OXSR1: variants seen among roughly 807,000 people sequenced by gnomAD.
OXSR1 encodes oxidative stress responsive kinase 1.
Under a neutral mutation model 79.8 loss-of-function variants are expected in OXSR1, and 24 were observed. The ratio of observed to expected loss-of-function variants is 0.30; its 90% CI spans 0.22 to 0.42. The LOEUF (loss-of-function observed/expected upper bound fraction) is 0.42. Among genes scored for constraint, OXSR1 ranks in the 10% least tolerant of loss-of-function variants. OXSR1 has a pLI of 1.00. For missense variants in OXSR1, 430 were observed against 618.4 expected, an observed-to-expected ratio of 0.70 and a Z score of 3.23; for synonymous variants, 226 against 209.2, an observed-to-expected ratio of 1.08 and a Z score of -0.69.
intron 4 of OXSR1, among the ~76,000 whole-genome samples, chr3:38,210,237 T>C (rs576515641): frequency 6.6e-6 from 1 of 152,200 alleles, no homozygotes; most frequent in East Asian, 1.9e-4. Flanking sequence ...GAGCCTGTGC[T>C]CCTGGGCTAT....
intron 4 of OXSR1, among the ~76,000 whole-genome samples, chr3:38,208,422 A>G (rs1418702884): frequency 6.6e-6 from 1 of 152,200 alleles, no homozygotes; most frequent in African/African-American, 2.4e-5. Context: ...AAGATTCCTT[A>G]GAGTTTATAC....
chr3:38,221,761 C>T, intron 6 of OXSR1, 74 bp downstream of exon 6: 1 of 841,700 alleles, frequency 1.2e-6, no homozygotes. Context: ...ATAGTGCTTG[C>T]TTTTCTTTGG....
chr3:38,204,388 T>G (rs1559511050), intron 4 of OXSR1, among the ~76,000 whole-genome samples: 1 of 151,978 alleles, frequency 6.6e-6, no homozygotes, highest in Admixed American at 6.5e-5. Flanking sequence ...TTTTCCCTCT[T>G]CTCAAACAGA....
rs984144551 is a variant in OXSR1, at chr3:38,249,597, A to G, written c.1323-369A>G. 3.9e-5 allele frequency among the ~76,000 whole-genome samples: 6 copies of G among 152,152 alleles called. No homozygotes were observed. The East Asian group carries it at 1.2e-3, about 29-fold the overall frequency. On this transcript the variant is annotated intron_variant, in intron 14 of 17. Coordinates refer to ENST00000311806, the MANE Select transcript of OXSR1 (RefSeq NM_005109.3). ...TTGTGGGCATGTAGGAGTGGGGATA[A>G]GGATGAAAAAGGCATCCTGTATCAT...
rs564934042 is a variant in OXSR1 at position 38,230,481 on chromosome 3, A to G, written c.951+51A>G. 1.7e-5 allele frequency: 21 copies of G among 1,256,826 alleles called. No homozygotes were observed. In the South Asian group the frequency reaches 2.4e-4, roughly 15 times the overall value. 77.9% of individuals were successfully genotyped at this position (1,256,826 alleles called of 1,614,324 possible). ...CCTGAAGAATTTACTTTATTTTTGC[A>G]TTTTGAAAACATGTTAAGTAATACA... is the stretch of plus-strand genomic sequence containing the variant. On this transcript the variant is annotated intron_variant, in intron 10 of 17. Transcript: ENST00000311806.
chr3:38,182,880 C>T, intron 1 of OXSR1, 123 bp from the exon 2 acceptor site: 1 of 495,834 alleles, frequency 2.0e-6, no homozygotes, highest in African/African-American at 2.0e-5. Flanking sequence ...GCATTTTTCT[C>T]TATCTGTTAT....
In OXSR1 at chr3:38,251,345, G is replaced by C; in HGVS notation, c.1376-58G>C. 2.2e-6 allele frequency: 3 copies of C among 1,378,628 alleles called. No individual in the cohort carries two copies. The South Asian group carries it at 3.5e-5, about 16-fold the overall frequency. The allele number at this position is 1,378,628 out of a possible 1,614,324, so 85.4% of individuals were successfully genotyped here. A position where few individuals can be genotyped will look rare whatever the true frequency, so the allele number is the denominator to read the frequency against. The stretch of plus-strand genomic sequence containing the variant: ...ACACTGACACCCACATGAGCTGTGA[G>C]AGTTAACAGTGGCAAGCACGCACAA... On this transcript the variant is annotated intron_variant, in intron 15 of 17. Transcript: ENST00000311806.
At chr3:38,213,735 T>G (rs752359716) in intron 4 of OXSR1, among the ~76,000 whole-genome samples, 6 of 152,336 alleles carry the variant, frequency 3.9e-5, no homozygotes, top group Non-Finnish European at 5.9e-5. Flanking sequence ...CTATTAAGTC[T>G]TCTTCTTTTT....
chr3:38,252,202 ATCTG>A, intron 16 of OXSR1, 122 bp from the exon 17 acceptor site: 1 of 717,146 alleles, frequency 1.4e-6, no homozygotes, highest in Admixed American at 2.0e-5. Context: ...TGATTATTTG[ATCTG>A]TCTGCTTCCA....
chr3:38,221,858 T>C (rs1404216505), intron 6 of OXSR1, among the ~76,000 whole-genome samples, 171 bp downstream of exon 6: 44 of 152,214 alleles, frequency 2.9e-4, no homozygotes, highest in Non-Finnish European at 6.5e-4. Flanking sequence ...AAAAACTCTC[T>C]AGAACTTTGC....
chr3:38,210,615 C>A (rs961108848), intron 4 of OXSR1, among the ~76,000 whole-genome samples: 1 of 152,052 alleles, frequency 6.6e-6, no homozygotes, highest in African/African-American at 2.4e-5. Flanking sequence ...CCACACTGAG[C>A]CTCCAGACAT....
chr3:38,172,055 T>C (rs555485063), intron 1 of OXSR1, among the ~76,000 whole-genome samples: 1 of 152,298 alleles, frequency 6.6e-6, no homozygotes, highest in Admixed American at 6.5e-5. Context: ...TTGTGGGAAG[T>C]GTTTAGCTTG....
intron 5 of OXSR1, among the ~76,000 whole-genome samples, chr3:38,218,053 T>C (rs1702519233): frequency 6.6e-6 from 1 of 152,254 alleles, no homozygotes; most frequent in African/African-American, 2.4e-5. Context: ...TTGGTCATTA[T>C]GAATAATGCT....
chr3:38,204,165 TG>T (rs1702223981), intron 4 of OXSR1, among the ~76,000 whole-genome samples: 1 of 152,124 alleles, frequency 6.6e-6, no homozygotes, highest in Non-Finnish European at 1.5e-5. Flanking sequence ...AGTGTTCAGC[TG>T]GGGCCCAAGG....
chr3:38,223,785 A>G lies in OXSR1; in HGVS notation c.601-27A>G, dbSNP rs1393538433. On this transcript the variant is annotated intron_variant, in intron 6 of 17. Coordinates refer to ENST00000311806, the MANE Select transcript of OXSR1 (RefSeq NM_005109.3). ...TTTAAAAGTCCTTTTATGCTGGTAA[A>G]AATAATCATGCAAATCTGTTTTGCA... The G allele has an allele frequency of 2.6e-6, 4 of 1,538,724 alleles. No homozygotes were observed. The South Asian group carries it at 4.5e-5, about 17-fold the overall frequency.
At chr3:38,210,107 C>A (rs1702355822) in intron 4 of OXSR1, among the ~76,000 whole-genome samples, 1 of 151,800 alleles carries the variant, frequency 6.6e-6, no homozygotes, top group Admixed American at 6.6e-5. Context: ...TGCTTGATTG[C>A]ATGGTTTCTG....
At chr3:38,176,080 C>G (rs556705165) in intron 1 of OXSR1, among the ~76,000 whole-genome samples, 1 of 152,060 alleles carries the variant, frequency 6.6e-6, no homozygotes, top group Non-Finnish European at 1.5e-5. Context: ...CAGACTAAAC[C>G]ATTCCTAACA....
At chr3:38,178,166 G>A (rs1033074224) in intron 1 of OXSR1, among the ~76,000 whole-genome samples, 7 of 152,130 alleles carry the variant, frequency 4.6e-5, no homozygotes, top group Non-Finnish European at 8.8e-5. Flanking sequence ...GGCCAGGCTG[G>A]TCTCGAACTC....
At position 38,252,984 on chromosome 3, in the gene OXSR1, C is replaced by A; in HGVS notation, c.*93C>A. On this transcript the variant is annotated 3_prime_UTR_variant, in exon 18 of 18. Coordinates refer to ENST00000311806, the MANE Select transcript of OXSR1 (RefSeq NM_005109.3). ...CTAAACCCACTACTGCCAAAGAACC[C>A]AGCAACAAACCTCCCGGCTAGGAGC... is the stretch of plus-strand genomic sequence containing the variant. 1 of 936,194 alleles carries A rather than the reference C, an allele frequency of 1.1e-6. No homozygotes were observed. Among genetic ancestry groups the A allele is most frequent in the South Asian group, 1.4e-5 (1 of 73,242 alleles). The allele number at this position is 936,194 out of a possible 1,614,324, so 58.0% of individuals were successfully genotyped here.
Sources: gnomAD v4.1 joint callset for allele counts (sites outside exome capture counted in the v4.1 genomes callset) on GRCh38, gnomAD v4.1.1 for gene constraint, MANE v1.5 for transcripts, NCBI Gene and HGNC (gene_info 2026-07-23, HGNC 2026-07-21) for gene names.